The following GORASP2 variants were observed in gnomAD, a reference collection of about 807,000 sequenced individuals.
GORASP2 encodes the protein Golgi reassembly-stacking protein 2.
GORASP2 carries 22 observed loss-of-function variants against 45.7 expected under a neutral mutation model. The observed-to-expected ratio is 0.48, with a 90% CI of 0.34 to 0.69. The LOEUF (loss-of-function observed/expected upper bound fraction) is 0.69. GORASP2 is among the 30% of genes least tolerant of loss of function. GORASP2 has a pLI of 0.01. For missense variants in GORASP2, 491 were observed against 562.7 expected (o/e 0.87, Z 1.29); for synonymous variants, 221 against 215.6 (o/e 1.02, Z -0.22).
At chr2:170,943,700 C>A (rs1195956623) in intron 1 of GORASP2, among the ~76,000 whole-genome samples, 1 of 152,076 alleles carries the variant, frequency 6.6e-6, no homozygotes, top group Non-Finnish European at 1.5e-5. Flanking sequence ...TGAGATGGAG[C>A]CTTGCTCTGT....
chr2:170,959,610 A>G (rs72878624), intron 7 of GORASP2, among the ~76,000 whole-genome samples: 9,878 of 152,286 alleles, frequency 0.065, 411 homozygotes, highest in South Asian at 0.12. Context: ...TTGCTTGCAA[A>G]GTAGCCTATA....
Position 170,961,663 on chromosome 2 carries a change from G to T in GORASP2, c.824G>T (p.Gly275Val). Residue 275 changes from glycine to valine, a missense_variant and splice_region_variant, in exon 8 of 10, where the codon GGT (glycine) becomes GTT (valine). Around this residue, in one of 2 missense-constraint regions of GORASP2, gnomAD observed 297 missense variants for 292.3 expected, o/e 1.02. Transcript: ENST00000234160. ...PPAVSSVLST[G>V]VPTVPLLPPQ... ...TGAAAAGATTGTGCTTTCTTTTTAG[G>T]TGTACCAACAGTACCGTTATTGCCA... 1 of 1,512,092 alleles carries T rather than the reference G, an allele frequency of 6.6e-7. No homozygotes were observed. Among genetic ancestry groups the T allele is most frequent in the Non-Finnish European group, 9.2e-7 (1 of 1,087,140 alleles). The allele number at this position is 1,512,092 out of a possible 1,614,324, so 93.7% of individuals were successfully genotyped here.
Position 170,966,396 on chromosome 2 carries a change from C to T in GORASP2, c.*266C>T. 2.0e-6 allele frequency: 1 copy of T among 510,534 alleles called. No homozygotes were observed. The highest frequency in any genetic ancestry group is 3.5e-6 in the Non-Finnish European group (1 of 283,598). The allele number at this position is 510,534 out of a possible 1,614,324, so 31.6% of individuals were successfully genotyped here. A position where few individuals can be genotyped will look rare whatever the true frequency, so the allele number is the denominator to read the frequency against. ...GTGGCTTGCTGCCAGGCTTGCACTG[C>T]CGTTCCTGGGGGTGTGCATCTTCGG... On this transcript the variant is annotated 3_prime_UTR_variant, in exon 10 of 10. Coordinates refer to ENST00000234160, the MANE Select transcript of GORASP2 (RefSeq NM_015530.5).
rs1704294948 is a variant in GORASP2 at position 170,951,374 on chromosome 2, T to G, written c.482T>G (p.Leu161Trp). The G allele has an allele frequency of 6.2e-7, 1 of 1,609,812 alleles. No individual in the cohort carries two copies. Among genetic ancestry groups the G allele is most frequent in the Non-Finnish European group, 8.5e-7 (1 of 1,177,550 alleles). Residue 161 changes from leucine to tryptophan, a missense_variant, in exon 5 of 10, where the codon TTG (leucine) becomes TGG (tryptophan). This residue lies in a region of GORASP2 where 194 missense variants were observed against 270.4 expected (regional missense o/e 0.72). Transcript: ENST00000234160. ...SLIETHEAKP[L>W]KLYVYNTDTD... is the part of the protein sequence containing the mutation. Reference sequence around the variant, plus strand: ...ATCGAAACACATGAAGCAAAACCATTGAAACTGTATGTGTACAACACAGAC... The same window carrying G: ...ATCGAAACACATGAAGCAAAACCATGGAAACTGTATGTGTACAACACAGAC...
chr2:170,961,111 A>C (rs899477352), intron 7 of GORASP2, among the ~76,000 whole-genome samples: 2 of 152,248 alleles, frequency 1.3e-5, no homozygotes, highest in African/African-American at 4.8e-5. Context: ...AAGGACTGTC[A>C]CAGAACCTAA....
intron 1 of GORASP2, among the ~76,000 whole-genome samples, chr2:170,939,195 AC>A (rs1704020199): frequency 6.6e-6 from 1 of 152,202 alleles, no homozygotes; most frequent in Admixed American, 6.5e-5. Context: ...TTTCTGGAAA[AC>A]TATTATGCAA....
chr2:170,949,142 G>A (rs1704241393), intron 2 of GORASP2, among the ~76,000 whole-genome samples: 1 of 152,148 alleles, frequency 6.6e-6, no homozygotes, highest in Admixed American at 6.5e-5. Context: ...AATAAAGCAT[G>A]TATTTAGAAA....
At chr2:170,946,961 A>G (rs953437499) in intron 1 of GORASP2, among the ~76,000 whole-genome samples, 2 of 152,156 alleles carry the variant, frequency 1.3e-5, no homozygotes, top group Non-Finnish European at 2.9e-5. Flanking sequence ...AATAAAAAAG[A>G]TGAATTTTTG....
Position 170,950,267 on chromosome 2 carries a change from G to A in GORASP2, c.412G>A (p.Gly138Arg). The change falls in exon 4 of 10, where the codon GGA becomes AGA. Residue 138 changes from glycine (G) to arginine (R), a missense_variant. By Grantham distance (125) the Gly-to-Arg change is moderately radical. This residue lies in a region of GORASP2 where 194 missense variants were observed against 270.4 expected (regional missense o/e 0.72). Transcript: ENST00000234160. The part of the protein sequence containing the change: ...GLRPHSDYII[G>R]ADTVMNESED... Reference sequence around the variant, plus strand: ...TAGACCACACAGTGATTATATAATTGGAGCAGATACAGTCATGAATGAGGT... The same window carrying A: ...TAGACCACACAGTGATTATATAATTAGAGCAGATACAGTCATGAATGAGGT... 1.9e-6 allele frequency: 3 copies of A among 1,562,442 alleles called. No homozygotes were observed. The highest frequency in any genetic ancestry group is 2.6e-6 in the Non-Finnish European group (3 of 1,145,156).
chr2:170,943,966 G>A (rs528931879), intron 1 of GORASP2, among the ~76,000 whole-genome samples: 106 of 152,292 alleles, frequency 7.0e-4, no homozygotes, highest in Non-Finnish European at 1.3e-3. Context: ...GTGAGCCACC[G>A]TGCCTGGCCT....
chr2:170,954,206 G>C (rs1249426700), intron 5 of GORASP2: 2 of 156,302 alleles, frequency 1.3e-5, no homozygotes, highest in African/African-American at 4.8e-5. Context: ...GAGCTCTTCA[G>C]TGGAAAGGCT....
intron 1 of GORASP2, among the ~76,000 whole-genome samples, chr2:170,937,943 TTC>T (rs1366779662): frequency 6.6e-6 from 1 of 152,224 alleles, no homozygotes; most frequent in Non-Finnish European, 1.5e-5. Flanking sequence ...TATCACTTCA[TTC>T]TGTTTCCTTG....
At chr2:170,965,136 A>C (rs1704655527) in intron 9 of GORASP2, among the ~76,000 whole-genome samples, 1 of 151,666 alleles carries the variant, frequency 6.6e-6, no homozygotes, top group Non-Finnish European at 1.5e-5. Flanking sequence ...GCTGGTCTCC[A>C]ACTCCTGGGT....
intron 1 of GORASP2, among the ~76,000 whole-genome samples, chr2:170,939,189 T>C (rs927590646): frequency 1.3e-5 from 2 of 152,236 alleles, no homozygotes; most frequent in Non-Finnish European, 2.9e-5. Context: ...AGATCTTTTC[T>C]GGAAAACTAT....
At chr2:170,945,165 A>T (rs1400425848) in intron 1 of GORASP2, among the ~76,000 whole-genome samples, 1 of 152,158 alleles carries the variant, frequency 6.6e-6, no homozygotes, top group Non-Finnish European at 1.5e-5. Context: ...AAAACTGAGT[A>T]TACAGAAACT....
In GORASP2 at chr2:170,951,439, G is replaced by T. The variant is rs1467100785; in HGVS notation, c.547G>T (p.Ala183Ser). Residue 183 changes from alanine (A) to serine (S), a missense_variant, in exon 5 of 10, where the codon GCA (alanine) becomes TCA (serine). By Grantham distance (99) the Ala-to-Ser change is moderately conservative. Transcript: ENST00000234160. ...AGAAGTGATTATTACACCAAATTCT[G>T]CATGGGGTGGAGAAGGCAGGTAAGG... ...CREVIITPNSAWGGEGSLGCG... is the reference protein window; with the variant it reads ...CREVIITPNSSWGGEGSLGCG... 6.2e-7 allele frequency: 1 copy of T among 1,610,374 alleles called. No individual in the cohort carries two copies. The highest frequency in any genetic ancestry group is 1.1e-5 in the South Asian group (1 of 90,442).
chr2:170,951,201 T>C lies in GORASP2; in HGVS notation c.436-127T>C, dbSNP rs545643267. On this transcript the variant is annotated intron_variant, in intron 4 of 9. Transcript: ENST00000234160. Reference sequence around the variant, plus strand: ...ATTAAACCTGCTTGTGATTTTTATGTCTGGGGCAGGGCCCAGAATCTGTAT... The same window carrying C: ...ATTAAACCTGCTTGTGATTTTTATGCCTGGGGCAGGGCCCAGAATCTGTAT... 6.1e-6 allele frequency: 4 copies of C among 656,536 alleles called. No homozygotes were observed. The South Asian group carries it at 6.8e-5, about 11-fold the overall frequency. 40.7% of individuals were successfully genotyped at this position (656,536 alleles called of 1,614,324 possible).
chr2:170,932,730 C>T lies in GORASP2; in HGVS notation c.63+3327C>T, dbSNP rs184821883. On this transcript the variant is annotated intron_variant, in intron 1 of 9. Transcript: ENST00000234160. ...AGGCAAATACTGTTGAAGTATTTCTCTTAGTCTCCTTTTTTTCCTGGGCCT... is the reference window on the plus strand; with the variant it reads ...AGGCAAATACTGTTGAAGTATTTCTTTTAGTCTCCTTTTTTTCCTGGGCCT... Among the ~76,000 whole-genome samples the T allele has an allele frequency of 2.9e-3, 448 of 152,318 alleles. 1 individual carries two copies. Among genetic ancestry groups the T allele is most frequent in the Non-Finnish European group, 4.4e-3 (299 of 68,034 alleles).
At position 170,939,158 on chromosome 2, in the gene GORASP2, G is replaced by T. The variant is rs145817395; in HGVS notation, c.64-9192G>T. On this transcript the variant is annotated intron_variant, in intron 1 of 9. Transcript: ENST00000234160. Reference sequence around the variant, plus strand: ...TTTAGAGCAAACTTCAATTTCTTTCGATGTTGTTTTTCTAATGTACAGATC... The same window carrying T: ...TTTAGAGCAAACTTCAATTTCTTTCTATGTTGTTTTTCTAATGTACAGATC... Among the ~76,000 whole-genome samples, 842 of 152,232 alleles carry T rather than the reference G, an allele frequency of 5.5e-3. 7 individuals are homozygous for T. The highest frequency in any genetic ancestry group is 0.019 in the African/African-American group (784 of 41,530).
Sources: allele counts gnomAD v4.1 joint callset (sites outside exome capture counted in the v4.1 genomes callset), GRCh38; gene constraint gnomAD v4.1.1; regional missense constraint gnomAD v4.1.1; transcripts MANE v1.5; gene names NCBI Gene and HGNC (gene_info 2026-07-23, HGNC 2026-07-21).